PARD3: variants seen among roughly 807,000 people sequenced by gnomAD.
PARD3 encodes par-3 family cell polarity regulator, also known as partitioning defective 3 homolog.
Under a neutral mutation model 155.4 loss-of-function variants are expected in PARD3, and 75 were observed. That is an observed-to-expected ratio of 0.48 (90% confidence interval 0.40 to 0.58). The LOEUF (loss-of-function observed/expected upper bound fraction) is 0.58, where lower values mean the gene tolerates loss of function less well. PARD3 is among the 20% of genes least tolerant of loss of function. The pLI is 0.00. For synonymous variants in PARD3, 576 were observed against 610.5 expected (o/e 0.94, Z 0.83); for missense variants, 1,642 against 1,721.7 (o/e 0.95, Z 0.82).
intron 1 of PARD3, among the ~76,000 whole-genome samples, chr10:34,792,088 C>T (rs760642141): frequency 1.8e-4 from 28 of 152,126 alleles, no homozygotes; most frequent in African/African-American, 6.8e-4. Flanking sequence ...CTCAGATATG[C>T]GCCCTGTTCC....
At chr10:34,217,929 T>C (rs1006716141) in intron 22 of PARD3, among the ~76,000 whole-genome samples, 5 of 152,120 alleles carry the variant, frequency 3.3e-5, no homozygotes, top group Non-Finnish European at 5.9e-5. Context: ...AATGAAGTCA[T>C]GAAGAGTGAC....
chr10:34,744,020 GC>G (rs1000921795), intron 1 of PARD3, among the ~76,000 whole-genome samples: 1 of 152,146 alleles, frequency 6.6e-6, no homozygotes, highest in African/African-American at 2.4e-5. Context: ...GACACTCTGA[GC>G]CCGTGAAAGA....
At chr10:34,127,250 T>C (rs999186405) in intron 23 of PARD3, among the ~76,000 whole-genome samples, 3 of 152,240 alleles carry the variant, frequency 2.0e-5, no homozygotes, top group Non-Finnish European at 4.4e-5. Context: ...AGGTCTCGCA[T>C]GTGGATACAA....
intron 18 of PARD3, among the ~76,000 whole-genome samples, chr10:34,331,813 G>C (rs1051063057): frequency 6.6e-6 from 1 of 151,690 alleles, no homozygotes; most frequent in African/African-American, 2.4e-5. Context: ...ACATCAATGT[G>C]CATTGTCAAG....
Position 34,750,691 on chromosome 10 carries a change from A to ATTTT in PARD3, c.121-54276_121-54273dup, listed in dbSNP as rs10643701. On this transcript the variant is annotated intron_variant, in intron 1 of 24. Transcript: ENST00000374788. Reference sequence around the variant, plus strand: ...GATTATTCTTGGTAATGACATAACAATTTTTTTTTTTTTTTGAGATGGAGT... The same window carrying ATTTT: ...GATTATTCTTGGTAATGACATAACAATTTTTTTTTTTTTTTTTTTGAGATGGAGT... Among the ~76,000 whole-genome samples the ATTTT allele has an allele frequency of 2.9e-3, 424 of 143,736 alleles. 3 individuals are homozygous for ATTTT. The highest frequency in any genetic ancestry group is 0.011 in the Middle Eastern group (3 of 278). 94.3% of individuals were successfully genotyped at this position (143,736 alleles called of 152,430 possible).
intron 5 of PARD3, among the ~76,000 whole-genome samples, chr10:34,421,501 T>A (rs1589512520): frequency 6.6e-6 from 1 of 152,010 alleles, no homozygotes; most frequent in African/African-American, 2.4e-5. Context: ...TCATTCAACT[T>A]AAAAGCACAG....
chr10:34,269,556 A>G, intron 22 of PARD3, 101 bp downstream of exon 22: 1 of 1,314,254 alleles, frequency 7.6e-7, no homozygotes, highest in South Asian at 1.4e-5. Flanking sequence ...CATTAATAAA[A>G]GGCAATTCTG....
chr10:34,589,113 T>A (rs905051972), intron 2 of PARD3, among the ~76,000 whole-genome samples: 5 of 152,132 alleles, frequency 3.3e-5, no homozygotes, highest in Non-Finnish European at 5.9e-5. Flanking sequence ...GGAAGATACA[T>A]GACAAATGGT....
intron 2 of PARD3, among the ~76,000 whole-genome samples, chr10:34,664,644 C>T (rs1285480776): frequency 6.6e-6 from 1 of 152,026 alleles, no homozygotes; most frequent in Admixed American, 6.6e-5. Context: ...TGCCACCACA[C>T]CCAGCTAATT....
At chr10:34,418,284 C>G (rs1845862902) in intron 5 of PARD3, among the ~76,000 whole-genome samples, 1 of 152,112 alleles carries the variant, frequency 6.6e-6, no homozygotes, top group African/African-American at 2.4e-5. Context: ...AAGTGATCCT[C>G]CCACCTCAGC....
intron 2 of PARD3, among the ~76,000 whole-genome samples, chr10:34,690,031 T>C (rs2094024922): frequency 6.6e-6 from 1 of 152,092 alleles, no homozygotes; most frequent in Non-Finnish European, 1.5e-5. Context: ...GCAACCTCCG[T>C]CCCCTGGGTT....
At chr10:34,308,716 C>T (rs531350802) in intron 20 of PARD3, among the ~76,000 whole-genome samples, 1 of 152,264 alleles carries the variant, frequency 6.6e-6, no homozygotes, top group South Asian at 2.1e-4. Context: ...AAGAAAATGT[C>T]CAGGCAGGAG....
At chr10:34,615,348 G>T (rs1768615378) in intron 2 of PARD3, among the ~76,000 whole-genome samples, 1 of 152,070 alleles carries the variant, frequency 6.6e-6, no homozygotes. Flanking sequence ...TTCAACAAAG[G>T]CAAAAAGAAC....
At chr10:34,351,331 C>A (rs1401665611) in intron 14 of PARD3, among the ~76,000 whole-genome samples, 2 of 152,142 alleles carry the variant, frequency 1.3e-5, no homozygotes, top group African/African-American at 2.4e-5. Context: ...TTAGTAAATT[C>A]ATTCCTAAAA....
chr10:34,783,497 A>G (rs912391895), intron 1 of PARD3, among the ~76,000 whole-genome samples: 4 of 150,564 alleles, frequency 2.7e-5, no homozygotes, highest in African/African-American at 7.3e-5. Flanking sequence ...CCAGCTACTC[A>G]GGAGGCTGAG....
chr10:34,678,112 C>T (rs2093744823), intron 2 of PARD3, among the ~76,000 whole-genome samples: 1 of 152,030 alleles, frequency 6.6e-6, no homozygotes, highest in African/African-American at 2.4e-5. Flanking sequence ...CTCACTCAGT[C>T]ACCAAGGCTG....
chr10:34,598,194 G>A (rs934052006), intron 2 of PARD3, among the ~76,000 whole-genome samples: 2 of 152,134 alleles, frequency 1.3e-5, no homozygotes, highest in African/African-American at 4.8e-5. Context: ...AGGAATTCTA[G>A]CATGTTCTGA....
At position 34,727,338 on chromosome 10, in the gene PARD3, G is replaced by A. The variant is rs139647462; in HGVS notation, c.121-30919C>T. 2.0e-3 allele frequency among the ~76,000 whole-genome samples: 300 copies of A among 152,292 alleles called. 2 individuals carry two copies. Among genetic ancestry groups the A allele is most frequent in the Non-Finnish European group, 3.3e-3 (224 of 68,028 alleles). ...CTCAGGAAGCACTGCACGTTCCCAC[G>A]TTTTATGCAGCATCTTCTCAATTTC... On this transcript the variant is annotated intron_variant, in intron 1 of 24. Coordinates refer to ENST00000374788, the MANE Select transcript of PARD3 (RefSeq NM_001184785.2).
intron 4 of PARD3, among the ~76,000 whole-genome samples, chr10:34,455,946 T>C (rs1385530868): frequency 6.6e-6 from 1 of 152,216 alleles, no homozygotes; most frequent in Non-Finnish European, 1.5e-5. Context: ...ATCCAGCACA[T>C]AATCAGCACT....
Sources: allele counts gnomAD v4.1 joint callset (sites outside exome capture counted in the v4.1 genomes callset), GRCh38; gene constraint gnomAD v4.1.1; transcripts MANE v1.5; gene names NCBI Gene and HGNC (gene_info 2026-07-23, HGNC 2026-07-21).